VWA3B: variants seen among roughly 807,000 people sequenced by gnomAD.
The protein encoded by VWA3B is von Willebrand factor A domain-containing protein 3B.
In VWA3B, 138 loss-of-function variants were observed where a neutral mutation model predicts 158.3. The ratio of observed to expected loss-of-function variants is 0.87; its 90% CI spans 0.76 to 1.00. VWA3B has a LOEUF of 1.00. Among genes scored for constraint, VWA3B ranks in the 50% least tolerant of loss-of-function variants. The pLI is 0.00. For synonymous variants in VWA3B, 596 were observed against 587.3 expected (o/e 1.01, Z -0.21); for missense variants, 1,555 against 1,565.1 (o/e 0.99, Z 0.11).
chr2:98,271,758 G>A (rs1688213710), intron 22 of VWA3B, among the ~76,000 whole-genome samples: 1 of 152,158 alleles, frequency 6.6e-6, no homozygotes, highest in South Asian at 2.1e-4. Flanking sequence ...CTTAGAAGTA[G>A]TATTTCTGGA....
intron 12 of VWA3B, among the ~76,000 whole-genome samples, chr2:98,202,384 T>G (rs1682622210): frequency 6.6e-6 from 1 of 152,152 alleles, no homozygotes; most frequent in Admixed American, 6.5e-5. Context: ...TCTACTGCCT[T>G]TTTTTCTTGG....
At chr2:98,241,361 T>A (rs1394882738) in intron 19 of VWA3B, among the ~76,000 whole-genome samples, 1 of 151,748 alleles carries the variant, frequency 6.6e-6, no homozygotes, top group Non-Finnish European at 1.5e-5. Context: ...ATGGAGGGGT[T>A]GTTAGCAGAG....
At chr2:98,207,154 A>G (rs1473881795) in intron 12 of VWA3B, 8 of 545,554 alleles carry the variant, frequency 1.5e-5, no homozygotes, top group Admixed American at 8.5e-5. Flanking sequence ...TACCCTGGCC[A>G]CTGACATGGT....
At chr2:98,233,472 A>C (rs1430393448) in intron 16 of VWA3B, among the ~76,000 whole-genome samples, 1 of 152,216 alleles carries the variant, frequency 6.6e-6, no homozygotes, top group African/African-American at 2.4e-5. Flanking sequence ...ATGTTGGTCA[A>C]GGTGGGCTGC....
intron 2 of VWA3B, 56 bp downstream of exon 2, chr2:98,093,344 G>A (rs1682488397): frequency 1.3e-6 from 2 of 1,577,768 alleles, no homozygotes; most frequent in South Asian, 2.3e-5. Flanking sequence ...GGTGGAGGTG[G>A]CTGCATCAGC....
At chr2:98,134,020 G>A (rs1398113242) in intron 7 of VWA3B, 81 bp downstream of exon 7, 5 of 1,160,352 alleles carry the variant, frequency 4.3e-6, no homozygotes, top group Non-Finnish European at 6.5e-6. Context: ...AGTAAAGTAC[G>A]AGGGAGAGAC....
chr2:98,140,733 TTC>T (rs1676717323), intron 7 of VWA3B, among the ~76,000 whole-genome samples: 1 of 152,216 alleles, frequency 6.6e-6, no homozygotes, highest in Non-Finnish European at 1.5e-5. Flanking sequence ...TTGTCTTCCC[TTC>T]TCTGTTAATA....
chr2:98,102,483 A>G (rs1683151202), intron 2 of VWA3B, among the ~76,000 whole-genome samples: 1 of 152,196 alleles, frequency 6.6e-6, no homozygotes, highest in African/African-American at 2.4e-5. Context: ...TTCCCAGACC[A>G]GGCGGCCGGG....
intron 7 of VWA3B, among the ~76,000 whole-genome samples, chr2:98,138,555 A>T (rs926837724): frequency 2.0e-5 from 3 of 152,208 alleles, no homozygotes; most frequent in Admixed American, 6.5e-5. Flanking sequence ...AGTGATGACA[A>T]ATATGTGTGG....
At chr2:98,222,579 T>C (rs533002117) in intron 14 of VWA3B, among the ~76,000 whole-genome samples, 157 of 152,230 alleles carry the variant, frequency 1.0e-3, no homozygotes, top group Non-Finnish European at 1.3e-3. Context: ...AGATTCTTTG[T>C]CCCTGTGGGC....
At chr2:98,204,180 A>G (rs1238799466) in intron 12 of VWA3B, among the ~76,000 whole-genome samples, 1 of 152,208 alleles carries the variant, frequency 6.6e-6, no homozygotes, top group African/African-American at 2.4e-5. Context: ...AGGATTTTCT[A>G]TGTAGATAAT....
chr2:98,293,790 T>G (rs1689633617), intron 23 of VWA3B, among the ~76,000 whole-genome samples: 1 of 152,172 alleles, frequency 6.6e-6, no homozygotes, highest in African/African-American at 2.4e-5. Context: ...GTAACACTAT[T>G]ATAGTACTTT....
chr2:98,301,435 A>G (rs1690184760), intron 25 of VWA3B, among the ~76,000 whole-genome samples: 1 of 152,240 alleles, frequency 6.6e-6, no homozygotes, highest in African/African-American at 2.4e-5. Flanking sequence ...AATACTTTAC[A>G]TATCTATATC....
chr2:98,090,787 G>A (rs1253206069), intron 1 of VWA3B, among the ~76,000 whole-genome samples: 1 of 147,890 alleles, frequency 6.8e-6, no homozygotes, highest in Non-Finnish European at 1.5e-5. Context: ...ACAAGTTCTT[G>A]CTCTGTTGCC....
At chr2:98,140,210 A>T (rs533469431) in intron 7 of VWA3B, among the ~76,000 whole-genome samples, 17 of 152,312 alleles carry the variant, frequency 1.1e-4, no homozygotes, top group Admixed American at 9.8e-4. Flanking sequence ...TTCATTCTTG[A>T]AGTCAGTGAG....
chr2:98,315,852 C>T (rs748538176), downstream of VWA3B, among the ~76,000 whole-genome samples: 12 of 152,058 alleles, frequency 7.9e-5, no homozygotes, highest in South Asian at 6.2e-4. Context: ...TTCAGTGAGA[C>T]GAAGGATATA....
At chr2:98,229,376 G>T (rs529427342) in intron 15 of VWA3B, among the ~76,000 whole-genome samples, 2 of 152,370 alleles carry the variant, frequency 1.3e-5, no homozygotes, top group South Asian at 4.1e-4. Context: ...GTGCTCCACG[G>T]AGGCGTCGAG....
intron 22 of VWA3B, among the ~76,000 whole-genome samples, chr2:98,274,831 A>C (rs546950849): frequency 3.0e-4 from 46 of 152,294 alleles, no homozygotes; most frequent in African/African-American, 1.1e-3. Flanking sequence ...GCCAGGTAGG[A>C]ACACTGGGGA....
intron 7 of VWA3B, among the ~76,000 whole-genome samples, chr2:98,137,337 T>C (rs1676361020): frequency 6.6e-6 from 1 of 152,250 alleles, no homozygotes. Flanking sequence ...GTAGCCATCC[T>C]AATGGGTGTG....
Sources: allele counts gnomAD v4.1 joint callset (sites outside exome capture counted in the v4.1 genomes callset), GRCh38; gene constraint gnomAD v4.1.1; transcripts MANE v1.5; gene names NCBI Gene and HGNC (gene_info 2026-07-23, HGNC 2026-07-21).